Variants in ZEB1 observed in about 807,000 individuals in gnomAD.
ZEB1 encodes zinc finger E-box-binding homeobox 1.
In ZEB1, 21 loss-of-function variants were observed where a neutral mutation model predicts 84.9. That is an observed-to-expected ratio of 0.25 (90% CI 0.18 to 0.36). ZEB1 has a LOEUF of 0.36. Ranked by LOEUF, ZEB1 falls within the 10% of genes least tolerant of loss-of-function variation. The probability of loss-of-function intolerance (pLI) is 1.00; values close to 1 mark genes in which losing one functional copy is unlikely to be tolerated. For synonymous variants in ZEB1, 420 were observed against 471.1 expected, an observed-to-expected ratio of 0.89 and a Z score of 1.41; for missense variants, 1,104 against 1,330.2, an observed-to-expected ratio of 0.83 and a Z score of 2.65.
At chr10:31,385,031 GT>G (rs1220917439) in intron 1 of ZEB1, among the ~76,000 whole-genome samples, 18 of 152,166 alleles carry the variant, frequency 1.2e-4, no homozygotes, top group African/African-American at 3.6e-4. Flanking sequence ...AATTAAGTGA[GT>G]TTTTGTGTAC....
chr10:31,442,955 T>A (rs1372290722), intron 1 of ZEB1, among the ~76,000 whole-genome samples: 1 of 152,142 alleles, frequency 6.6e-6, no homozygotes, highest in African/African-American at 2.4e-5. Context: ...AGGCAACTTT[T>A]CCAAAAAGCT....
chr10:31,385,676 T>C (rs1051816267), intron 1 of ZEB1, among the ~76,000 whole-genome samples: 7 of 151,950 alleles, frequency 4.6e-5, no homozygotes, highest in South Asian at 4.2e-4. Flanking sequence ...TACAGGCGCT[T>C]GCCACCACAT....
chr10:31,429,223 A>G (rs1486413963), intron 1 of ZEB1, among the ~76,000 whole-genome samples: 1 of 152,144 alleles, frequency 6.6e-6, no homozygotes, highest in Non-Finnish European at 1.5e-5. Flanking sequence ...TTCCCTATTT[A>G]ATGTTTCCTT....
chr10:31,488,159 C>A (rs889899858), intron 2 of ZEB1, among the ~76,000 whole-genome samples: 1 of 150,784 alleles, frequency 6.6e-6, no homozygotes, highest in Non-Finnish European at 1.5e-5. Context: ...GTTATTTCTT[C>A]TTTAAATATC....
chr10:31,508,916 G>A (rs902052251), intron 4 of ZEB1, among the ~76,000 whole-genome samples: 7 of 152,266 alleles, frequency 4.6e-5, no homozygotes, highest in East Asian at 1.9e-4. Flanking sequence ...AATTAGGGTC[G>A]CTGCCAGTGG....
intron 1 of ZEB1, chr10:31,319,898 C>A (rs1050684125): frequency 1.4e-5 from 2 of 146,864 alleles, no homozygotes; most frequent in African/African-American, 4.9e-5. Flanking sequence ...AGGCGGGCTG[C>A]GGCGGCGGCG....
intron 1 of ZEB1, among the ~76,000 whole-genome samples, chr10:31,435,561 A>G (rs1376426320): frequency 1.3e-5 from 2 of 152,216 alleles, no homozygotes; most frequent in African/African-American, 2.4e-5. Flanking sequence ...CTTTGGAACT[A>G]TGACACTGGA....
intron 1 of ZEB1, among the ~76,000 whole-genome samples, chr10:31,418,078 A>C (rs533772811): frequency 6.6e-6 from 1 of 152,126 alleles, no homozygotes; most frequent in East Asian, 1.9e-4. Context: ...AATCTCCTTC[A>C]GTCTCCTAAA....
intron 1 of ZEB1, among the ~76,000 whole-genome samples, chr10:31,364,707 C>T (rs2044119422): frequency 6.6e-6 from 1 of 152,218 alleles, no homozygotes; most frequent in Non-Finnish European, 1.5e-5. Flanking sequence ...TTGCCTGAGA[C>T]CATTCCTCAG....
chr10:31,443,825 G>T (rs1004225200), intron 1 of ZEB1, among the ~76,000 whole-genome samples: 1 of 150,966 alleles, frequency 6.6e-6, no homozygotes, highest in Non-Finnish European at 1.5e-5. Context: ...TTGGACATTT[G>T]GGTTGGCTCC....
chr10:31,482,318 G>A (rs2065149054), intron 2 of ZEB1, among the ~76,000 whole-genome samples: 1 of 152,048 alleles, frequency 6.6e-6, no homozygotes, highest in South Asian at 2.1e-4. Context: ...TGCCCAGTAC[G>A]CTTCAAAAGT....
chr10:31,495,203 A>C (rs2067054474), intron 2 of ZEB1, among the ~76,000 whole-genome samples: 1 of 152,044 alleles, frequency 6.6e-6, no homozygotes, highest in Non-Finnish European at 1.5e-5. Flanking sequence ...AACTTATAAA[A>C]TATGTTGTTA....
chr10:31,410,188 T>A (rs2053973462), intron 1 of ZEB1, among the ~76,000 whole-genome samples: 1 of 152,222 alleles, frequency 6.6e-6, no homozygotes, highest in African/African-American at 2.4e-5. Context: ...GTTCCATCAA[T>A]ACCTAGTTCC....
At chr10:31,375,425 C>T (rs1164481922) in intron 1 of ZEB1, among the ~76,000 whole-genome samples, 2 of 151,664 alleles carry the variant, frequency 1.3e-5, no homozygotes, top group Non-Finnish European at 1.5e-5. Context: ...GTTTAGTTGG[C>T]TTTGATGGGT....
At chr10:31,498,552 C>G (rs2067620151) in intron 3 of ZEB1, among the ~76,000 whole-genome samples, 1 of 151,992 alleles carries the variant, frequency 6.6e-6, no homozygotes, top group South Asian at 2.1e-4. Flanking sequence ...TAATCTAATT[C>G]TTACAACAAC....
chr10:31,442,204 T>C (rs1020580577), intron 1 of ZEB1, among the ~76,000 whole-genome samples: 8 of 152,212 alleles, frequency 5.3e-5, no homozygotes, highest in African/African-American at 1.7e-4. Flanking sequence ...GTGGCACATA[T>C]ACACCATGGA....
At chr10:31,356,701 G>A (rs563989823) in intron 1 of ZEB1, among the ~76,000 whole-genome samples, 2 of 152,154 alleles carry the variant, frequency 1.3e-5, no homozygotes, top group South Asian at 2.1e-4. Flanking sequence ...CTAGCCTGTT[G>A]TATCAGGGAT....
chr10:31,358,230 A>C (rs994420112), intron 1 of ZEB1: 1 of 152,224 alleles, frequency 6.6e-6, no homozygotes. Flanking sequence ...ATTAGGAAGA[A>C]GGAAGCGTTG....
At chr10:31,381,640 A>C (rs2047652461) in intron 1 of ZEB1, 1 of 152,180 alleles carries the variant, frequency 6.6e-6, no homozygotes, top group African/African-American at 2.4e-5. Context: ...AGAATGTCTA[A>C]AACAGTGATG....
Sources: gnomAD v4.1 joint callset for allele counts (sites outside exome capture counted in the v4.1 genomes callset) on GRCh38, gnomAD v4.1.1 for gene constraint, MANE v1.5 for transcripts, NCBI Gene and HGNC (gene_info 2026-07-23, HGNC 2026-07-21) for gene names.